Variants in NFIB observed in about 807,000 individuals in gnomAD.
The protein encoded by NFIB is nuclear factor I B, also known as nuclear factor 1 B-type.
A neutral mutation model predicts 61.5 loss-of-function variants in NFIB; 11 were observed. That is an observed-to-expected ratio of 0.18 (90% CI 0.11 to 0.30). The LOEUF is 0.30. NFIB is among the 10% of genes least tolerant of loss of function. The pLI is 1.00. For missense variants in NFIB, 471 were observed against 608.9 expected (o/e 0.77, Z 2.38); for synonymous variants, 260 against 216.5 (o/e 1.20, Z -1.76).
intron 2 of NFIB, among the ~76,000 whole-genome samples, chr9:14,302,900 A>G (rs546532654): frequency 4.4e-4 from 67 of 152,344 alleles, no homozygotes; most frequent in African/African-American, 1.6e-3. Flanking sequence ...ACGGTGGTTA[A>G]CTGAAAAGCA....
chr9:14,483,509 T>G, the NFIB span, among the ~76,000 whole-genome samples: 132 of 152,198 alleles, frequency 8.7e-4, 1 homozygote, highest in African/African-American at 3.0e-3. Context: ...AGTCAGGCTT[T>G]GGGGTCAGAC....
At chr9:14,421,634 C>G in the NFIB span, among the ~76,000 whole-genome samples, 1 of 152,180 alleles carries the variant, frequency 6.6e-6, no homozygotes, top group Non-Finnish European at 1.5e-5. Context: ...TTACTTGCTA[C>G]AAACCAATGG....
chr9:14,482,688 C>T, the NFIB span, among the ~76,000 whole-genome samples: 1 of 152,132 alleles, frequency 6.6e-6, no homozygotes, highest in Non-Finnish European at 1.5e-5. Flanking sequence ...TTTAAATATG[C>T]CATTTCTCCC....
chr9:14,382,357 A>G (rs2061498622), intron 1 of NFIB, among the ~76,000 whole-genome samples: 1 of 151,774 alleles, frequency 6.6e-6, no homozygotes, highest in Non-Finnish European at 1.5e-5. Context: ...AGAGAGAGAG[A>G]GAGAGAGGGA....
At chr9:14,491,021 T>C in the NFIB span, among the ~76,000 whole-genome samples, 9 of 152,346 alleles carry the variant, frequency 5.9e-5, no homozygotes, top group Admixed American at 2.0e-4. Context: ...ATTCATTGAA[T>C]GGAACACTAT....
Position 14,270,038 on chromosome 9 carries a change from T to G in NFIB, c.562+36951A>C, listed in dbSNP as rs149438372. ...GACCTCCATCCAGCAAGTTATTCAT[T>G]TTAACCTATTAACAAGCACACTATA... On this transcript the variant is annotated intron_variant, in intron 2 of 10. Transcript: ENST00000380953. Among the ~76,000 whole-genome samples, 604 of 152,274 alleles carry G rather than the reference T, an allele frequency of 4.0e-3. 2 individuals carry two copies. Among genetic ancestry groups the G allele is most frequent in the Middle Eastern group, 0.014 (4 of 294 alleles).
intron 1 of NFIB, among the ~76,000 whole-genome samples, chr9:14,321,230 GAC>G (rs1275576074): frequency 1.3e-5 from 2 of 152,066 alleles, no homozygotes; most frequent in Admixed American, 6.6e-5. Context: ...GAGAGATAGA[GAC>G]ACACATAGGA....
intron 1 of NFIB, among the ~76,000 whole-genome samples, chr9:14,340,099 T>C (rs1224231931): frequency 1.3e-5 from 2 of 152,178 alleles, no homozygotes; most frequent in African/African-American, 4.8e-5. Flanking sequence ...AGAACCTGAA[T>C]TGTAAAGTGG....
intron 2 of NFIB, among the ~76,000 whole-genome samples, chr9:14,187,057 G>A (rs2047444448): frequency 2.2e-5 from 3 of 135,138 alleles, no homozygotes; most frequent in East Asian, 4.1e-4. Flanking sequence ...GTGTGTGTGT[G>A]TGTGTGTGTG....
At chr9:14,269,702 G>A (rs910975971) in intron 2 of NFIB, among the ~76,000 whole-genome samples, 1 of 152,094 alleles carries the variant, frequency 6.6e-6, no homozygotes, top group South Asian at 2.1e-4. Flanking sequence ...GTGGCTTTAT[G>A]TTACTCTACA....
chr9:14,235,595 G>A (rs1483203994), intron 2 of NFIB, among the ~76,000 whole-genome samples: 2 of 152,100 alleles, frequency 1.3e-5, no homozygotes, highest in African/African-American at 4.8e-5. Context: ...AAGCACAGTT[G>A]TTCAGTTAAT....
chr9:14,287,281 A>C (rs2058770093), intron 2 of NFIB, among the ~76,000 whole-genome samples: 2 of 151,884 alleles, frequency 1.3e-5, no homozygotes, highest in African/African-American at 4.8e-5. Flanking sequence ...AATACAAAAA[A>C]TTAGCTGGGC....
At chr9:14,262,650 T>G (rs1238372980) in intron 2 of NFIB, among the ~76,000 whole-genome samples, 1 of 152,194 alleles carries the variant, frequency 6.6e-6, no homozygotes, top group Non-Finnish European at 1.5e-5. Context: ...TTTTCTGAGA[T>G]GCCTTCTCCT....
intron 2 of NFIB, among the ~76,000 whole-genome samples, chr9:14,245,213 A>C (rs2054779952): frequency 6.6e-6 from 1 of 152,200 alleles, no homozygotes; most frequent in Admixed American, 6.5e-5. Flanking sequence ...GCCTCTGTTA[A>C]GGAAACTAAC....
intron 7 of NFIB, among the ~76,000 whole-genome samples, chr9:14,121,342 G>C (rs1416303129): frequency 2.6e-5 from 4 of 152,108 alleles, no homozygotes; most frequent in Non-Finnish European, 4.4e-5. Flanking sequence ...TGTCTCATAA[G>C]TCCAGAGCAA....
intron 1 of NFIB, among the ~76,000 whole-genome samples, chr9:14,311,385 G>A (rs1377904075): frequency 6.6e-6 from 1 of 152,134 alleles, no homozygotes; most frequent in Non-Finnish European, 1.5e-5. Flanking sequence ...CACTATTAAT[G>A]TGGCCTCACT....
At chr9:14,412,768 G>A in the NFIB span, among the ~76,000 whole-genome samples, 4 of 152,188 alleles carry the variant, frequency 2.6e-5, no homozygotes, top group East Asian at 5.8e-4. Flanking sequence ...CATGGGATAC[G>A]TAATTAAACT....
intron 3 of NFIB, among the ~76,000 whole-genome samples, chr9:14,162,564 T>C (rs1321114471): frequency 6.6e-6 from 1 of 152,108 alleles, no homozygotes; most frequent in East Asian, 1.9e-4. Flanking sequence ...GTCAAGTTTT[T>C]ATACCAGGAG....
At chr9:14,206,092 G>C (rs115215308) in intron 2 of NFIB, among the ~76,000 whole-genome samples, 2,117 of 151,854 alleles carry the variant, frequency 0.014, 49 homozygotes, top group African/African-American at 0.047. Context: ...TTTAATAATG[G>C]GCCACTCTTA....
Sources: allele counts gnomAD v4.1 joint callset (sites outside exome capture counted in the v4.1 genomes callset), GRCh38; gene constraint gnomAD v4.1.1; transcripts MANE v1.5; gene names NCBI Gene and HGNC (gene_info 2026-07-23, HGNC 2026-07-21).